Variants in CCDC138 observed in about 807,000 individuals in gnomAD.
CCDC138 encodes coiled-coil domain containing 138.
In CCDC138, 66 loss-of-function variants were observed where a neutral mutation model predicts 82.3. The observed-to-expected ratio is 0.80, with a 90% CI of 0.66 to 0.98. The LOEUF is 0.98. Ranked by LOEUF, CCDC138 falls within the 50% of genes least tolerant of loss-of-function variation. CCDC138 has a pLI of 0.00. For missense variants in CCDC138, 816 were observed against 758.9 expected, an observed-to-expected ratio of 1.08 and a Z score of -0.88; for synonymous variants, 297 against 265.4, an observed-to-expected ratio of 1.12 and a Z score of -1.16.
intron 5 of CCDC138, among the ~76,000 whole-genome samples, chr2:108,795,869 G>T (rs932446051): frequency 2.0e-5 from 3 of 152,082 alleles, no homozygotes; most frequent in African/African-American, 7.2e-5. Context: ...TTAAGCAAAG[G>T]AATGTCAGAG....
chr2:108,818,758 A>G (rs893124028), intron 10 of CCDC138, among the ~76,000 whole-genome samples: 1 of 152,010 alleles, frequency 6.6e-6, no homozygotes, highest in African/African-American at 2.4e-5. Flanking sequence ...TAAGAATACT[A>G]GTATAACTCA....
chr2:108,792,860 C>G (rs1231321153), intron 4 of CCDC138, among the ~76,000 whole-genome samples: 2 of 151,498 alleles, frequency 1.3e-5, no homozygotes, highest in Non-Finnish European at 2.9e-5. Flanking sequence ...GTCAGGAGAT[C>G]GAGACCATCC....
chr2:108,856,900 T>A lies in CCDC138; in HGVS notation c.1623T>A (p.His541Gln), dbSNP rs1365684060. The A allele has an allele frequency of 1.2e-6, 2 of 1,613,240 alleles. No individual in the cohort carries two copies. The highest frequency in any genetic ancestry group is 1.6e-4 in the Middle Eastern group (1 of 6,080). Residue 541 changes from histidine to glutamine, a missense_variant, in exon 13 of 15, where the codon CAT (histidine) becomes CAA (glutamine). By Grantham distance (24) the His-to-Gln change is conservative. Coordinates refer to ENST00000295124, the MANE Select transcript of CCDC138 (RefSeq NM_144978.3). ...AGGCTGTTCCAGTAATATTAAGTCA[T>A]CTAAGAATATCCAGTAAAGGACTCC... is the stretch of plus-strand genomic sequence containing the variant. ...EYQAVPVILS[H>Q]LRISSKGLLS... is the part of the protein sequence containing the mutation.
intron 12 of CCDC138, 106 bp from the exon 13 acceptor site, chr2:108,856,688 T>C: frequency 9.6e-7 from 1 of 1,038,564 alleles, no homozygotes; most frequent in Non-Finnish European, 1.4e-6. Flanking sequence ...AATTTTTGTT[T>C]GTCTTTTGAG....
intron 14 of CCDC138, 178 bp from the exon 15 acceptor site, chr2:108,875,910 T>G (rs1034790748): frequency 4.4e-5 from 7 of 158,732 alleles, no homozygotes; most frequent in African/African-American, 1.7e-4. Context: ...TTCAGGTTTA[T>G]CTCATAAAAC....
intron 9 of CCDC138, 114 bp downstream of exon 9, chr2:108,813,041 A>G (rs1684155957): frequency 2.7e-6 from 2 of 752,000 alleles, no homozygotes; most frequent in Admixed American, 5.4e-5. Context: ...CGATGTCAGG[A>G]GATCGAGACC....
rs1187821457 is a variant in CCDC138, at chr2:108,854,302, A to G, written c.1517-2492A>G. The stretch of plus-strand genomic sequence containing the variant: ...AGGTTTGATTTGGTAGGAAGCCAGT[A>G]TAATGTAGTAGTTACTTCAACTCTA... On this transcript the variant is annotated intron_variant, in intron 12 of 14. Transcript: ENST00000295124. 2.0e-5 allele frequency among the ~76,000 whole-genome samples: 3 copies of G among 151,470 alleles called. 1 individual carries two copies. The highest frequency in any genetic ancestry group is 4.4e-5 in the Non-Finnish European group (3 of 67,932).
In CCDC138 at chr2:108,798,662, G is replaced by T. The variant is rs571773523; in HGVS notation, c.735+76G>T. Reference sequence around the variant, plus strand: ...TAGATTCACTAGTTACTAACATTTTGTCACATTTGCTTATTTCTCCTTCCC... The same window carrying T: ...TAGATTCACTAGTTACTAACATTTTTTCACATTTGCTTATTTCTCCTTCCC... On this transcript the variant is annotated intron_variant, in intron 6 of 14. Coordinates refer to ENST00000295124, the MANE Select transcript of CCDC138 (RefSeq NM_144978.3). The T allele has an allele frequency of 4.3e-6, 5 of 1,166,012 alleles. No homozygotes were observed. The African/African-American group carries it at 7.7e-5, about 18-fold the overall frequency. 72.2% of individuals were successfully genotyped at this position (1,166,012 alleles called of 1,614,324 possible). A position where few individuals can be genotyped will look rare whatever the true frequency, so the allele number is the denominator to read the frequency against.
At chr2:108,798,181 T>G (rs984687748) in intron 5 of CCDC138, among the ~76,000 whole-genome samples, 11 of 152,198 alleles carry the variant, frequency 7.2e-5, no homozygotes, top group African/African-American at 2.7e-4. Flanking sequence ...TGATCCATTT[T>G]GGACCCTAAA....
rs974412307 is a variant in CCDC138 at position 108,794,767 on chromosome 2, T to G, written c.576+46T>G. The stretch of plus-strand genomic sequence containing the variant: ...CGAGAATTCAGAAATATTTATGTTC[T>G]AAGAACCAAGCATTTACGAAATTTG... On this transcript the variant is annotated intron_variant, in intron 5 of 14. Coordinates refer to ENST00000295124, the MANE Select transcript of CCDC138 (RefSeq NM_144978.3). 20 of 1,426,180 alleles carry G rather than the reference T, an allele frequency of 1.4e-5. No individual in the cohort carries two copies. In the East Asian group the frequency reaches 4.7e-4, roughly 33 times the overall value. The allele number at this position is 1,426,180 out of a possible 1,614,324, so 88.3% of individuals were successfully genotyped here. A position where few individuals can be genotyped will look rare whatever the true frequency, so the allele number is the denominator to read the frequency against.
rs778963835 is a variant in CCDC138, at chr2:108,856,823, CTTTG to C, written c.1551_1554del (p.Cys517TrpfsTer3). 2.9e-5 allele frequency: 47 copies of C among 1,612,912 alleles called. No homozygotes were observed. The highest frequency in any genetic ancestry group is 4.0e-5 in the Non-Finnish European group (47 of 1,179,632). ...TTACCTGGCTCAGGCATTTGATTCT[CTTTG>C]TTTGGACTTGAAGACAGAAGAAGGA... On this transcript the variant is annotated frameshift_variant, in exon 13 of 15. Transcript: ENST00000295124. LOFTEE classifies it high-confidence loss of function.
chr2:108,871,446 G>A (rs1695236532), intron 13 of CCDC138, among the ~76,000 whole-genome samples: 1 of 151,634 alleles, frequency 6.6e-6, no homozygotes, highest in Admixed American at 6.6e-5. Context: ...CCAGTTACTC[G>A]GGAGGCAAGG....
rs564060744 is a variant in CCDC138 at position 108,794,911 on chromosome 2, G to A, written c.576+190G>A. ...AAAATACAGTGGCTGAGAGAAAATA[G>A]AGACAGTGGCGTTTTTATTTGTAGG... On this transcript the variant is annotated intron_variant, in intron 5 of 14. Transcript: ENST00000295124. Among the ~76,000 whole-genome samples, 55 of 152,266 alleles carry A rather than the reference G, an allele frequency of 3.6e-4. 1 individual carries two copies. In the South Asian group the frequency reaches 0.011, roughly 31 times the overall value.
At chr2:108,824,563 T>C (rs1240625146) in intron 10 of CCDC138, among the ~76,000 whole-genome samples, 1 of 152,170 alleles carries the variant, frequency 6.6e-6, no homozygotes, top group East Asian at 1.9e-4. Flanking sequence ...GAAGACCTGC[T>C]GAAGGACCTG....
intron 10 of CCDC138, among the ~76,000 whole-genome samples, chr2:108,831,612 A>T (rs1169397952): frequency 1.3e-5 from 2 of 152,202 alleles, no homozygotes; most frequent in African/African-American, 4.8e-5. Flanking sequence ...TTTAGCACAC[A>T]TCAGAATCTC....
At position 108,790,021 on chromosome 2, in the gene CCDC138, C is replaced by T. The variant is rs533958291; in HGVS notation, c.266+1055C>T. The stretch of plus-strand genomic sequence containing the variant: ...TTATGCCTAAAGTATCTGTATGTTA[C>T]ATAATTAGTATTTGGGAGCTTGACT... On this transcript the variant is annotated intron_variant, in intron 3 of 14. Coordinates refer to ENST00000295124, the MANE Select transcript of CCDC138 (RefSeq NM_144978.3). Among the ~76,000 whole-genome samples the T allele has an allele frequency of 8.1e-4, 123 of 152,212 alleles. 1 individual carries two copies. The highest frequency in any genetic ancestry group is 3.4e-3 in the Middle Eastern group (1 of 292).
intron 7 of CCDC138, among the ~76,000 whole-genome samples, chr2:108,808,448 G>T (rs185851611): frequency 6.6e-6 from 1 of 151,966 alleles, no homozygotes; most frequent in Non-Finnish European, 1.5e-5. Context: ...TGTGTTTTTC[G>T]TAATGGCTGT....
intron 5 of CCDC138, among the ~76,000 whole-genome samples, chr2:108,795,879 G>C (rs762334986): frequency 1.3e-5 from 2 of 152,108 alleles, no homozygotes; most frequent in Non-Finnish European, 2.9e-5. Flanking sequence ...GAATGTCAGA[G>C]TAAAAAGTCA....
intron 10 of CCDC138, among the ~76,000 whole-genome samples, chr2:108,834,513 C>A (rs1394691735): frequency 6.6e-6 from 1 of 152,136 alleles, no homozygotes; most frequent in Non-Finnish European, 1.5e-5. Context: ...CCATGCCTGG[C>A]CTGAAAATGT....
Sources: allele counts gnomAD v4.1 joint callset (sites outside exome capture counted in the v4.1 genomes callset), GRCh38; gene constraint gnomAD v4.1.1; transcripts MANE v1.5; gene names NCBI Gene and HGNC (gene_info 2026-07-23, HGNC 2026-07-21).